Variants in PRDM16 observed in about 807,000 individuals in gnomAD.
PRDM16 encodes the protein PR/SET domain 16.
A neutral mutation model predicts 110.6 loss-of-function variants in PRDM16; 23 were observed. The ratio of observed to expected loss-of-function variants is 0.21; its 90% CI spans 0.15 to 0.29. The LOEUF (loss-of-function observed/expected upper bound fraction) is 0.29, where lower values mean the gene tolerates loss of function less well. PRDM16 is among the 10% of genes least tolerant of loss of function. The pLI, the probability that PRDM16 is intolerant of heterozygous loss-of-function variation, is 1.00. For synonymous variants in PRDM16, 799 were observed against 781.8 expected (o/e 1.02, Z -0.37); for missense variants, 1,615 against 1,794.3 (o/e 0.90, Z 1.81).
At chr1:3,096,940 C>T (rs116765402) in intron 1 of PRDM16, among the ~76,000 whole-genome samples, 2,037 of 152,306 alleles carry the variant, frequency 0.013, 47 homozygotes, top group African/African-American at 0.047. Flanking sequence ...TTTAAAACTA[C>T]GCCGAGGCTG....
At chr1:3,189,878 C>T (rs1331251347) in intron 2 of PRDM16, among the ~76,000 whole-genome samples, 1 of 152,188 alleles carries the variant, frequency 6.6e-6, no homozygotes, top group Non-Finnish European at 1.5e-5. Flanking sequence ...GTGGATTATT[C>T]TTACTGTCAT....
At chr1:3,275,952 C>G (rs939371627) in intron 3 of PRDM16, among the ~76,000 whole-genome samples, 1 of 152,228 alleles carries the variant, frequency 6.6e-6, no homozygotes, top group Admixed American at 6.5e-5. Flanking sequence ...CCAGCTGCGC[C>G]CTGTGGGTCT....
At chr1:3,274,521 CA>C (rs1412270477) in intron 3 of PRDM16, among the ~76,000 whole-genome samples, 1 of 152,226 alleles carries the variant, frequency 6.6e-6, no homozygotes, top group Non-Finnish European at 1.5e-5. Context: ...CCCCAGCGTG[CA>C]GTTCATAATA....
chr1:3,100,888 G>A lies in PRDM16; in HGVS notation c.37+31592G>A, dbSNP rs111943305. On this transcript the variant is annotated intron_variant, in intron 1 of 16. Coordinates refer to ENST00000270722, the MANE Select transcript of PRDM16 (RefSeq NM_022114.4). ...CACAAGTACCCACGACGGCTGTGCC[G>A]AAGCCCCCGGGGAGGAGCTTGTTCA... Among the ~76,000 whole-genome samples, 1,199 of 152,156 alleles carry A rather than the reference G, an allele frequency of 7.9e-3. 13 individuals are homozygous for A. Among genetic ancestry groups the A allele is most frequent in the African/African-American group, 0.027 (1,117 of 41,518 alleles).
In PRDM16 at chr1:3,217,862, C is replaced by T. The variant is rs116731338; in HGVS notation, c.388-26225C>T. ...TGCCGCCTGCATGCTACCTCGCTCA[C>T]TCCCAACTCTGCTCCCCACACGAGG... On this transcript the variant is annotated intron_variant, in intron 2 of 16. Coordinates refer to ENST00000270722, the MANE Select transcript of PRDM16 (RefSeq NM_022114.4). 6.9e-3 allele frequency among the ~76,000 whole-genome samples: 1,052 copies of T among 152,326 alleles called. 12 individuals are homozygous for T. The highest frequency in any genetic ancestry group is 0.025 in the African/African-American group (1,019 of 41,566).
chr1:3,421,523 G>A (rs889491467), intron 12 of PRDM16, among the ~76,000 whole-genome samples: 7 of 152,124 alleles, frequency 4.6e-5, no homozygotes, highest in South Asian at 2.1e-4. Context: ...CTGCTCCCTC[G>A]CAGCCCTGGG....
chr1:3,122,536 G>A (rs575838345), intron 1 of PRDM16, among the ~76,000 whole-genome samples: 2 of 152,260 alleles, frequency 1.3e-5, no homozygotes, highest in East Asian at 1.9e-4. Flanking sequence ...GAGTGGCCGC[G>A]TGGAGAAGTT....
intron 3 of PRDM16, among the ~76,000 whole-genome samples, chr1:3,273,909 G>A (rs1007228807): frequency 6.7e-6 from 1 of 149,954 alleles, no homozygotes; most frequent in Admixed American, 6.7e-5. Context: ...GTGCACGTGT[G>A]GCATGTAAGT....
rs113832357 is a variant in PRDM16 at position 3,228,766 on chromosome 1, C to T, written c.388-15321C>T. ...CTCTGTCATCCCTCTGCCCGTCCAC[C>T]TGCACTGTCCACCCAGCTTCCCAGG... On this transcript the variant is annotated intron_variant, in intron 2 of 16. Coordinates refer to ENST00000270722, the MANE Select transcript of PRDM16 (RefSeq NM_022114.4). Among the ~76,000 whole-genome samples the T allele has an allele frequency of 9.6e-3, 1,468 of 152,322 alleles. 28 individuals are homozygous for T. Among genetic ancestry groups the T allele is most frequent in the African/African-American group, 0.034 (1,400 of 41,572 alleles).
intron 3 of PRDM16, among the ~76,000 whole-genome samples, chr1:3,347,419 G>A (rs905529456): frequency 6.6e-6 from 1 of 152,206 alleles, no homozygotes; most frequent in African/African-American, 2.4e-5. Context: ...CCTGGCCCAC[G>A]GTGGTGCAGG....
chr1:3,293,346 C>G (rs1010902279), intron 3 of PRDM16, among the ~76,000 whole-genome samples: 1 of 152,218 alleles, frequency 6.6e-6, no homozygotes, highest in Admixed American at 6.5e-5. Context: ...CCAGGCCACC[C>G]GTGTGTCAGC....
chr1:3,090,175 C>A (rs1265573135), intron 1 of PRDM16, among the ~76,000 whole-genome samples: 1 of 152,250 alleles, frequency 6.6e-6, no homozygotes, highest in Non-Finnish European at 1.5e-5. Context: ...TTCTTGATGC[C>A]CAGATGCACC....
intron 3 of PRDM16, among the ~76,000 whole-genome samples, chr1:3,266,465 G>C (rs149148841): frequency 6.6e-6 from 1 of 152,292 alleles, no homozygotes; most frequent in Non-Finnish European, 1.5e-5. Context: ...GACTGGGGAG[G>C]ACCGAGCGGT....
Position 3,252,924 on chromosome 1 carries a change from AG to A in PRDM16, c.438+8791del, listed in dbSNP as rs972896915. On this transcript the variant is annotated intron_variant, in intron 3 of 16. Coordinates refer to ENST00000270722, the MANE Select transcript of PRDM16 (RefSeq NM_022114.4). The stretch of plus-strand genomic sequence containing the variant: ...TCATGCAGGAAAGAAGGAGAAAGGC[AG>A]GGGTGTGTGCTCGTGGAGATGTGGC... 4.6e-5 allele frequency among the ~76,000 whole-genome samples: 7 copies of A among 152,282 alleles called. No individual in the cohort carries two copies. The East Asian group carries it at 1.4e-3, about 29-fold the overall frequency.
chr1:3,240,418 A>AAC (rs963689548), intron 2 of PRDM16, among the ~76,000 whole-genome samples: 1 of 151,826 alleles, frequency 6.6e-6, no homozygotes, highest in African/African-American at 2.4e-5. Context: ...AAAAAAAAAA[A>AAC]AAAAACAGAA....
intron 3 of PRDM16, among the ~76,000 whole-genome samples, chr1:3,275,279 C>A (rs1640556839): frequency 6.6e-6 from 1 of 152,246 alleles, no homozygotes; most frequent in South Asian, 2.1e-4. Context: ...CTTGACAGAC[C>A]TTGTACGTAA....
intron 2 of PRDM16, among the ~76,000 whole-genome samples, chr1:3,232,650 G>A (rs1029730072): frequency 4.6e-5 from 7 of 152,170 alleles, no homozygotes; most frequent in East Asian, 1.9e-4. Flanking sequence ...AGGGCCAAGG[G>A]GGGTAGTGAC....
At chr1:3,292,663 G>A (rs1192292359) in intron 3 of PRDM16, among the ~76,000 whole-genome samples, 3 of 152,192 alleles carry the variant, frequency 2.0e-5, no homozygotes, top group African/African-American at 4.8e-5. Context: ...GCCAGATAGC[G>A]AGGGAACCCA....
chr1:3,198,068 G>C (rs113593427), intron 2 of PRDM16, among the ~76,000 whole-genome samples: 1 of 152,180 alleles, frequency 6.6e-6, no homozygotes, highest in South Asian at 2.1e-4. Flanking sequence ...TCACAGGCCC[G>C]CTGAGGGGCA....
Sources: allele counts gnomAD v4.1 joint callset (sites outside exome capture counted in the v4.1 genomes callset), GRCh38; gene constraint gnomAD v4.1.1; transcripts MANE v1.5; gene names NCBI Gene and HGNC (gene_info 2026-07-23, HGNC 2026-07-21).